The following GADL1 variants were observed in gnomAD, a reference collection of about 807,000 sequenced individuals.
GADL1 encodes acidic amino acid decarboxylase GADL1.
In GADL1, 71 loss-of-function variants were observed where a neutral mutation model predicts 69.5. That is an observed-to-expected ratio of 1.02 (90% CI 0.84 to 1.25). The LOEUF is 1.25. Among genes scored for constraint, GADL1 ranks in the 50% most tolerant of loss-of-function variants. The probability of loss-of-function intolerance (pLI) is 0.00; values close to 1 mark genes in which losing one functional copy is unlikely to be tolerated. For synonymous variants in GADL1, 254 were observed against 214.4 expected (o/e 1.18, Z -1.62); for missense variants, 737 against 631.8 (o/e 1.17, Z -1.79).
chr3:30,870,894 G>A (rs1349598078), intron 1 of GADL1, among the ~76,000 whole-genome samples: 1 of 151,680 alleles, frequency 6.6e-6, no homozygotes, highest in Admixed American at 6.6e-5. Context: ...GGGAATGCTG[G>A]GGAAAAGCAA....
intron 14 of GADL1, among the ~76,000 whole-genome samples, chr3:30,777,115 C>T (rs976547836): frequency 1.3e-5 from 2 of 152,224 alleles, no homozygotes; most frequent in East Asian, 1.9e-4. Context: ...GGCAGAGACA[C>T]GTCCTTTTGA....
intron 1 of GADL1, among the ~76,000 whole-genome samples, chr3:30,862,126 T>TG (rs1283711803): frequency 6.6e-6 from 1 of 151,892 alleles, no homozygotes; most frequent in Non-Finnish European, 1.5e-5. Flanking sequence ...TGTTTGAAGT[T>TG]GAAAAAAAAT....
intron 14 of GADL1, among the ~76,000 whole-genome samples, chr3:30,737,028 T>C (rs568508570): frequency 4.1e-4 from 63 of 152,334 alleles, no homozygotes; most frequent in Admixed American, 7.8e-4. Context: ...TTGTCACTTA[T>C]GTCTTTATCA....
rs147674654 is a variant in GADL1, at chr3:30,805,265, G to A, written c.1051-4177C>T. ...ATGTAGCTACTACATGATAGGGCTA[G>A]GTTTCAAACCAAAAATGCTTAGATT... On this transcript the variant is annotated intron_variant, in intron 11 of 14. Transcript: ENST00000282538. Among the ~76,000 whole-genome samples the A allele has an allele frequency of 5.8e-3, 889 of 152,256 alleles. 11 individuals are homozygous for A. Among genetic ancestry groups the A allele is most frequent in the African/African-American group, 0.021 (858 of 41,550 alleles).
At chr3:30,744,600 A>G (rs1347159404) in intron 14 of GADL1, among the ~76,000 whole-genome samples, 1 of 152,058 alleles carries the variant, frequency 6.6e-6, no homozygotes, top group Non-Finnish European at 1.5e-5. Flanking sequence ...TGTAGTCCCA[A>G]CTACTTGGGA....
intron 11 of GADL1, among the ~76,000 whole-genome samples, chr3:30,811,629 G>A (rs371442915): frequency 1.3e-5 from 2 of 152,210 alleles, no homozygotes; most frequent in East Asian, 3.9e-4. Flanking sequence ...TCATGGAATA[G>A]TACACATTAT....
chr3:30,851,402 C>G (rs1698145126), intron 4 of GADL1, among the ~76,000 whole-genome samples: 1 of 152,160 alleles, frequency 6.6e-6, no homozygotes, highest in African/African-American at 2.4e-5. Context: ...ACTACTCCAC[C>G]TGAACCAGGG....
intron 14 of GADL1, among the ~76,000 whole-genome samples, chr3:30,736,451 T>C (rs758621987): frequency 2.0e-5 from 3 of 152,178 alleles, no homozygotes; most frequent in Non-Finnish European, 4.4e-5. Context: ...GTGCTTGGCA[T>C]ACTAGGCACT....
intron 11 of GADL1, among the ~76,000 whole-genome samples, chr3:30,828,370 C>T (rs1007232353): frequency 1.3e-5 from 2 of 148,434 alleles, no homozygotes; most frequent in Non-Finnish European, 3.0e-5. Context: ...CATTAGTCTC[C>T]TTTTTTTTTC....
At chr3:30,847,007 C>CT (rs1226812738) in intron 6 of GADL1, among the ~76,000 whole-genome samples, 1 of 152,184 alleles carries the variant, frequency 6.6e-6, no homozygotes, top group Non-Finnish European at 1.5e-5. Context: ...TTTTACCCTA[C>CT]TTTTTAGTGG....
In GADL1 at chr3:30,817,399, A is replaced by G. The variant is rs4455352; in HGVS notation, c.1051-16311T>C. On this transcript the variant is annotated intron_variant, in intron 11 of 14. Coordinates refer to ENST00000282538, the MANE Select transcript of GADL1 (RefSeq NM_207359.3). Reference sequence around the variant, plus strand: ...CAATCATGGGTAAGTCATTTCCTCAATCACAAGCTTTTTAAACAAAGAAGA... The same window carrying G: ...CAATCATGGGTAAGTCATTTCCTCAGTCACAAGCTTTTTAAACAAAGAAGA... Among the ~76,000 whole-genome samples the G allele has an allele frequency of 0.013, 2,021 of 152,292 alleles. 172 individuals carry two copies. In the East Asian group the frequency reaches 0.26, roughly 19 times the overall value.
rs967114814 is a variant in GADL1, at chr3:30,727,740, A to G, written c.*502T>C. ...TGTTTCTCGGATTTTACTGTGCATC[A>G]GAATTCCCTGACGGGCTTGTTAAAA... is the stretch of plus-strand genomic sequence containing the variant. On this transcript the variant is annotated 3_prime_UTR_variant, in exon 15 of 15. Coordinates refer to ENST00000282538, the MANE Select transcript of GADL1 (RefSeq NM_207359.3). The G allele has an allele frequency of 3.9e-5, 6 of 152,290 alleles. No individual in the cohort carries two copies. Among genetic ancestry groups the G allele is most frequent in the Non-Finnish European group, 8.8e-5 (6 of 68,096 alleles). The allele number at this position is 152,290 out of a possible 1,614,324, so 9.4% of individuals were successfully genotyped here. A position where few individuals can be genotyped will look rare whatever the true frequency, so the allele number is the denominator to read the frequency against.
chr3:30,734,567 C>G (rs1312415609), intron 14 of GADL1, among the ~76,000 whole-genome samples: 1 of 152,034 alleles, frequency 6.6e-6, no homozygotes, highest in Non-Finnish European at 1.5e-5. Context: ...CCTTATCGTC[C>G]AAACATATGA....
chr3:30,752,123 CCTGA>C (rs1315697874), intron 14 of GADL1, among the ~76,000 whole-genome samples: 4 of 152,124 alleles, frequency 2.6e-5, no homozygotes, highest in Non-Finnish European at 4.4e-5. Context: ...CACAGTGGTA[CCTGA>C]CTGAGTACTT....
intron 1 of GADL1, among the ~76,000 whole-genome samples, chr3:30,865,067 G>T (rs1028817305): frequency 2.6e-5 from 4 of 151,856 alleles, no homozygotes; most frequent in Non-Finnish European, 5.9e-5. Context: ...ATTATCTCAT[G>T]GACCTCAAAC....
rs28419619 is a variant in GADL1 at position 30,772,335 on chromosome 3, T to C, written c.1392+5844A>G. On this transcript the variant is annotated intron_variant, in intron 14 of 14. Coordinates refer to ENST00000282538, the MANE Select transcript of GADL1 (RefSeq NM_207359.3). ...TGTTAATTACTTTTAAGAACGTAAATTGTGTTGGCATAGTGTACTTATTTA... is the reference window on the plus strand; with the variant it reads ...TGTTAATTACTTTTAAGAACGTAAACTGTGTTGGCATAGTGTACTTATTTA... Among the ~76,000 whole-genome samples the C allele has an allele frequency of 0.011, 1,741 of 152,192 alleles. 166 individuals carry two copies. The East Asian group carries it at 0.24, about 21-fold the overall frequency.
At chr3:30,784,834 G>A (rs1559498921) in intron 13 of GADL1, among the ~76,000 whole-genome samples, 3 of 152,084 alleles carry the variant, frequency 2.0e-5, no homozygotes, top group Non-Finnish European at 1.5e-5. Context: ...TGACTTACCT[G>A]ACCACCACCT....
intron 11 of GADL1, among the ~76,000 whole-genome samples, chr3:30,807,603 C>T (rs1227981997): frequency 6.6e-6 from 1 of 152,174 alleles, no homozygotes; most frequent in Non-Finnish European, 1.5e-5. Flanking sequence ...GCTAGGTGGA[C>T]TTGAGAGCTA....
In GADL1 at chr3:30,839,051, A is replaced by T; in HGVS notation, c.849T>A (p.Pro283=). Residue 283 remains proline, a synonymous_variant, in exon 9 of 15, where the codon CCT becomes CCA. Transcript: ENST00000282538. ...SGTTVLGAFD[P]LDEIADICER... ...CGCAGATGTCTGCTATTTCATCCAG[A>T]GGGTCAAAAGCTCCCAACACAGTTG... 6.2e-7 allele frequency: 1 copy of T among 1,607,686 alleles called. No individual in the cohort carries two copies.
Sources: allele counts gnomAD v4.1 joint callset (sites outside exome capture counted in the v4.1 genomes callset), GRCh38; gene constraint gnomAD v4.1.1; transcripts MANE v1.5; gene names NCBI Gene and HGNC (gene_info 2026-07-23, HGNC 2026-07-21).